Variants in CYP3A5 observed in about 807,000 individuals in gnomAD.
CYP3A5 encodes the protein cytochrome P450 3A5.
In CYP3A5, 51 loss-of-function variants were observed where a neutral mutation model predicts 55.9. That is an observed-to-expected ratio of 0.91 (90% CI 0.73 to 1.15). The LOEUF (loss-of-function observed/expected upper bound fraction) is 1.15, where lower values mean the gene tolerates loss of function less well. Ranked by LOEUF, CYP3A5 falls within the 50% of genes most tolerant of loss-of-function variation. The pLI is 0.00. For missense variants in CYP3A5, 533 were observed against 596.6 expected, an observed-to-expected ratio of 0.89 and a Z score of 1.11; for synonymous variants, 196 against 213.9, an observed-to-expected ratio of 0.92 and a Z score of 0.73.
At chr7:99,657,668 G>C (rs1294985913) in intron 10 of CYP3A5, among the ~76,000 whole-genome samples, 1 of 152,122 alleles carries the variant, frequency 6.6e-6, no homozygotes, top group Non-Finnish European at 1.5e-5. Flanking sequence ...GATCTGTCTA[G>C]TGTTGACAGT....
intron 2 of CYP3A5, among the ~76,000 whole-genome samples, chr7:99,675,210 C>T (rs1812098278): frequency 6.6e-6 from 1 of 152,224 alleles, no homozygotes; most frequent in East Asian, 1.9e-4. Context: ...CTACACATCA[C>T]ACCCAGCAAA....
intron 4 of CYP3A5, 135 bp from the exon 5 acceptor site, chr7:99,667,200 A>T: frequency 1.7e-6 from 1 of 585,252 alleles, no homozygotes; most frequent in South Asian, 2.3e-5. Flanking sequence ...GCCATATTCA[A>T]GATGCTCAAT....
intron 3 of CYP3A5, chr7:99,672,890 A>T: frequency 7.3e-7 from 1 of 1,375,226 alleles, no homozygotes; most frequent in Non-Finnish European, 9.4e-7. Flanking sequence ...GATGAAGGGT[A>T]ATGTGGTCCA....
rs772956223 is a variant in CYP3A5 at position 99,650,124 on chromosome 7, A to G, written c.1362T>C (p.Ala454=). ...AGAAGTTCTGAAGGACTCTGATTAG[A>G]GCAAGTTTCATGTTCATGAGAGCAA... The part of the protein sequence containing the change: ...MRFALMNMKL[A]LIRVLQNFSF... The change falls in exon 12 of 13, where the codon GCT becomes GCC. Residue 454 remains alanine, a synonymous_variant. Coordinates refer to ENST00000222982, the MANE Select transcript of CYP3A5 (RefSeq NM_000777.5). The G allele has an allele frequency of 3.8e-5, 61 of 1,614,054 alleles. 1 individual carries two copies. Among genetic ancestry groups the G allele is most frequent in the Non-Finnish European group, 4.6e-5 (54 of 1,180,014 alleles).
chr7:99,666,990 A>G lies in CYP3A5; in HGVS notation c.394T>C (p.Leu132=), dbSNP rs189107290. 1 of 1,614,132 alleles carries G rather than the reference A, an allele frequency of 6.2e-7. No individual in the cohort carries two copies. The highest frequency in any genetic ancestry group is 8.5e-7 in the Non-Finnish European group (1 of 1,180,012). Residue 132 remains leucine, a synonymous_variant, in exon 5 of 13, where the codon TTG becomes CTG. Coordinates refer to ENST00000222982, the MANE Select transcript of CYP3A5 (RefSeq NM_000777.5). Reference sequence around the variant, plus strand: ...CCGCTGGTGAAGGTTGGAGACAGCAATGACCGTATTCTCTTCCATTCTTCA... The same window carrying G: ...CCGCTGGTGAAGGTTGGAGACAGCAGTGACCGTATTCTCTTCCATTCTTCA... ...EDEEWKRIRS[L]LSPTFTSGKL...
At chr7:99,652,464 C>T in intron 11 of CYP3A5, 89 bp downstream of exon 11, 1 of 783,808 alleles carries the variant, frequency 1.3e-6, no homozygotes, top group Non-Finnish European at 2.0e-6. Context: ...GATTGTACAA[C>T]CACACGATTG....
chr7:99,667,275 A>AG, intron 4 of CYP3A5, among the ~76,000 whole-genome samples: 1 of 152,334 alleles, frequency 6.6e-6, no homozygotes, highest in East Asian at 1.9e-4. Context: ...GGGGAGACCC[A>AG]GCCATCTGGT....
chr7:99,652,829 T>G, intron 10 of CYP3A5, 50 bp from the exon 11 acceptor site: 1 of 1,409,128 alleles, frequency 7.1e-7, no homozygotes, highest in South Asian at 1.2e-5. Flanking sequence ...GAATTAACTC[T>G]CAACTGAGTC....
At chr7:99,672,141 T>G (rs1811718921) in intron 4 of CYP3A5, among the ~76,000 whole-genome samples, 1 of 152,074 alleles carries the variant, frequency 6.6e-6, no homozygotes, top group South Asian at 2.1e-4. Context: ...AACCTCCGCC[T>G]CCCAGGTTCA....
chr7:99,669,969 T>A (rs575478189), intron 4 of CYP3A5, among the ~76,000 whole-genome samples: 1 of 152,140 alleles, frequency 6.6e-6, no homozygotes, highest in Non-Finnish European at 1.5e-5. Context: ...AGAAAATCCA[T>A]GTGCACAAGC....
chr7:99,674,017 C>T (rs1811972501), intron 3 of CYP3A5, among the ~76,000 whole-genome samples: 1 of 152,138 alleles, frequency 6.6e-6, no homozygotes, highest in Admixed American at 6.5e-5. Flanking sequence ...AGTGATGTCA[C>T]TAATTGTTTT....
chr7:99,650,265 G>A, intron 11 of CYP3A5, 33 bp from the exon 12 acceptor site: 1 of 1,600,700 alleles, frequency 6.2e-7, no homozygotes, highest in Admixed American at 1.7e-5. Context: ...AATAGTTAAT[G>A]AAACATAAAA....
intron 12 of CYP3A5, 53 bp from the exon 13 acceptor site, chr7:99,648,453 A>T: frequency 6.7e-7 from 1 of 1,488,474 alleles, no homozygotes; most frequent in Non-Finnish European, 9.2e-7. Context: ...TGAAAGAAGA[A>T]AAGATGGAAG....
chr7:99,649,928 C>T (rs1809005789), intron 12 of CYP3A5, 145 bp downstream of exon 12: 3 of 1,021,222 alleles, frequency 2.9e-6, no homozygotes, highest in Non-Finnish European at 4.2e-6. Context: ...AGAACTGAAG[C>T]ATCCTTAATG....
At chr7:99,654,956 T>C (rs1387027652) in intron 10 of CYP3A5, among the ~76,000 whole-genome samples, 8 of 152,212 alleles carry the variant, frequency 5.3e-5, no homozygotes, top group Non-Finnish European at 1.0e-4. Context: ...TTGTTTGAGA[T>C]CATTGTAGAT....
intron 4 of CYP3A5, among the ~76,000 whole-genome samples, chr7:99,670,733 A>C (rs1159512738): frequency 6.6e-6 from 1 of 152,204 alleles, no homozygotes; most frequent in Non-Finnish European, 1.5e-5. Flanking sequence ...CAGCACTTAC[A>C]TTTGTGAGCT....
intron 4 of CYP3A5, chr7:99,672,006 T>C: frequency 1.7e-6 from 1 of 587,394 alleles, no homozygotes. Flanking sequence ...TACTATAGTA[T>C]TAGGTTGGTG....
At chr7:99,652,439 G>T (rs1319545986) in intron 11 of CYP3A5, 114 bp downstream of exon 11, 11 of 699,540 alleles carry the variant, frequency 1.6e-5, no homozygotes, top group East Asian at 5.6e-5. Flanking sequence ...GTGATAAAAA[G>T]ACTTACAAGC....
At position 99,676,121 on chromosome 7, in the gene CYP3A5, A is replaced by G. The variant is rs1812253557; in HGVS notation, c.159T>C (p.Tyr53=). Residue 53 remains tyrosine, a synonymous_variant, in exon 2 of 13, where the codon TAT becomes TAC. Coordinates refer to ENST00000222982, the MANE Select transcript of CYP3A5 (RefSeq NM_000777.5). ...PLPLLGNVLS[Y]RQGLWKFDTE... is the part of the protein sequence containing the mutation. Reference sequence around the variant, plus strand: ...GGAAGCTCAAGCAACTCACCTGACGATAGGACAAAACATTTCCCAACAAAG... The same window carrying G: ...GGAAGCTCAAGCAACTCACCTGACGGTAGGACAAAACATTTCCCAACAAAG... The G allele has an allele frequency of 1.9e-6, 3 of 1,613,606 alleles. No individual in the cohort carries two copies. Among genetic ancestry groups the G allele is most frequent in the Non-Finnish European group, 2.5e-6 (3 of 1,179,748 alleles).
Sources: gnomAD v4.1 joint callset for allele counts (sites outside exome capture counted in the v4.1 genomes callset) on GRCh38, gnomAD v4.1.1 for gene constraint, MANE v1.5 for transcripts, NCBI Gene and HGNC (gene_info 2026-07-23, HGNC 2026-07-21) for gene names.